CEPT1: variants seen among roughly 807,000 people sequenced by gnomAD.
CEPT1 encodes choline/ethanolamine phosphotransferase 1, also known as choline/ethanolaminephosphotransferase 1.
In CEPT1, 7 loss-of-function variants were observed where a neutral mutation model predicts 42.6. The observed-to-expected ratio is 0.16, with a 90% CI of 0.09 to 0.31. CEPT1 has a LOEUF of 0.31. CEPT1 is among the 10% of genes least tolerant of loss of function. The pLI is 1.00. For missense variants in CEPT1, 306 were observed against 502.1 expected (o/e 0.61, Z 3.73); for synonymous variants, 171 against 171.9 (o/e 0.99, Z 0.04).
intron 2 of CEPT1, among the ~76,000 whole-genome samples, chr1:111,153,792 G>T (rs963007504): frequency 6.6e-6 from 1 of 151,874 alleles, no homozygotes; most frequent in African/African-American, 2.4e-5. Context: ...TTTATTTCTG[G>T]GTTCTCATTT....
At chr1:111,147,078 AT>A (rs1655009339) in intron 1 of CEPT1, among the ~76,000 whole-genome samples, 1 of 152,110 alleles carries the variant, frequency 6.6e-6, no homozygotes, top group African/African-American at 2.4e-5. Flanking sequence ...GCCTTAGTTT[AT>A]TTTTCTGTAA....
intron 2 of CEPT1, among the ~76,000 whole-genome samples, chr1:111,148,427 T>A (rs947659005): frequency 2.0e-5 from 3 of 152,072 alleles, no homozygotes; most frequent in African/African-American, 7.2e-5. Context: ...ATGGCATGAC[T>A]GTAAACTAGC....
intron 5 of CEPT1, chr1:111,181,354 AAGAAG>A (rs1656976329): frequency 6.6e-6 from 1 of 150,992 alleles, no homozygotes; most frequent in Admixed American, 6.7e-5. Flanking sequence ...GGGTGCGAAA[AAGAAG>A]AGACTCTTAA....
intron 2 of CEPT1, among the ~76,000 whole-genome samples, chr1:111,148,292 A>G (rs1655083083): frequency 6.6e-6 from 1 of 152,178 alleles, no homozygotes; most frequent in African/African-American, 2.4e-5. Flanking sequence ...ATTAACATGT[A>G]AAATGTTCCT....
Position 111,184,637 on chromosome 1 carries a change from C to CTGTT in CEPT1, c.*330_*333dup, listed in dbSNP as rs1189556088. On this transcript the variant is annotated 3_prime_UTR_variant, in exon 9 of 9. Coordinates refer to ENST00000357172, the MANE Select transcript of CEPT1 (RefSeq NM_006090.5). ...CAGTGGTGGAGAGTTCTAATGTTGACTGTTTGCAGGCCAAAAGATGATTGC... is the reference window on the plus strand; with the variant it reads ...CAGTGGTGGAGAGTTCTAATGTTGACTGTTTGTTTGCAGGCCAAAAGATGATTGC... 1 of 170,218 alleles carries CTGTT rather than the reference C, an allele frequency of 5.9e-6. No individual in the cohort carries two copies. The highest frequency in any genetic ancestry group is 6.2e-5 in the Admixed American group (1 of 16,048). 10.5% of individuals were successfully genotyped at this position (170,218 alleles called of 1,614,324 possible).
At position 111,184,974 on chromosome 1, in the gene CEPT1, T is replaced by C. The variant is rs988731060; in HGVS notation, c.*664T>C. 1.3e-5 allele frequency: 2 copies of C among 152,076 alleles called. No individual in the cohort carries two copies. Among genetic ancestry groups the C allele is most frequent in the Non-Finnish European group, 1.5e-5 (1 of 67,946 alleles). 9.4% of individuals were successfully genotyped at this position (152,076 alleles called of 1,614,324 possible). A position where few individuals can be genotyped will look rare whatever the true frequency, so the allele number is the denominator to read the frequency against. ...CCCATTTTATTTTTTTAAATAAATA[T>C]ATGATCTAAAAGCCAACTTTTTCTC... is the stretch of plus-strand genomic sequence containing the variant. On this transcript the variant is annotated 3_prime_UTR_variant, in exon 9 of 9. Transcript: ENST00000357172.
chr1:111,169,596 T>C (rs2101354371), intron 4 of CEPT1, among the ~76,000 whole-genome samples: 1 of 152,338 alleles, frequency 6.6e-6, no homozygotes, highest in South Asian at 2.1e-4. Flanking sequence ...ATATACTGTA[T>C]TTTCTTTTAC....
chr1:111,168,120 C>T (rs530318022), intron 4 of CEPT1, among the ~76,000 whole-genome samples: 1 of 152,070 alleles, frequency 6.6e-6, no homozygotes, highest in Non-Finnish European at 1.5e-5. Context: ...GTAGTCCTCC[C>T]GCCTCAGCCT....
At chr1:111,168,132 C>T (rs1251691743) in intron 4 of CEPT1, among the ~76,000 whole-genome samples, 2 of 152,088 alleles carry the variant, frequency 1.3e-5, no homozygotes, top group Admixed American at 6.6e-5. Context: ...CCTCAGCCTT[C>T]CAAAGCACTG....
chr1:111,163,469 AT>A (rs1422967149), intron 4 of CEPT1, among the ~76,000 whole-genome samples: 2 of 152,112 alleles, frequency 1.3e-5, no homozygotes, highest in Non-Finnish European at 2.9e-5. Flanking sequence ...CTACAAAAAA[AT>A]TTTTTAAAAA....
At chr1:111,147,008 T>C (rs1018029017) in intron 1 of CEPT1, among the ~76,000 whole-genome samples, 2 of 152,210 alleles carry the variant, frequency 1.3e-5, no homozygotes, top group African/African-American at 4.8e-5. Flanking sequence ...AGAAAACCTG[T>C]GTTTGTTTGA....
chr1:111,141,789 C>T (rs13374185), intron 1 of CEPT1, among the ~76,000 whole-genome samples: 3,534 of 152,180 alleles, frequency 0.023, 143 homozygotes, highest in African/African-American at 0.08. Context: ...GAACTTAATC[C>T]TGTGATCCTA....
chr1:111,184,160 C>A, intron 8 of CEPT1, 31 bp from the exon 9 acceptor site: 2 of 1,610,260 alleles, frequency 1.2e-6, no homozygotes, highest in Non-Finnish European at 1.7e-6. Context: ...AGAGCCTAAA[C>A]GGGTGCTGAG....
intron 5 of CEPT1, among the ~76,000 whole-genome samples, chr1:111,176,516 A>G (rs560103970): frequency 1.3e-3 from 195 of 152,224 alleles, no homozygotes; most frequent in African/African-American, 4.6e-3. Flanking sequence ...ACCAATATCC[A>G]AAAAGTGGGA....
Position 111,147,777 on chromosome 1 carries a change from C to T in CEPT1, c.63C>T (p.Gly21=). 6.2e-7 allele frequency: 1 copy of T among 1,614,036 alleles called. No individual in the cohort carries two copies. The highest frequency in any genetic ancestry group is 1.6e-4 in the Middle Eastern group (1 of 6,062). The change falls in exon 2 of 9, where the codon GGC becomes GGT. Residue 21 remains glycine, a synonymous_variant. Transcript: ENST00000357172. ...ATTCTCACCCGGAGTCCCCAGTGGGCTTCGGGCATATGAGTACTACAGGAT... is the reference window on the plus strand; with the variant it reads ...ATTCTCACCCGGAGTCCCCAGTGGGTTTCGGGCATATGAGTACTACAGGAT... The part of the protein sequence containing the change: ...CGDSHPESPV[G]FGHMSTTGCV...
At chr1:111,143,063 T>C (rs1021032787) in intron 1 of CEPT1, among the ~76,000 whole-genome samples, 3 of 152,250 alleles carry the variant, frequency 2.0e-5, no homozygotes, top group Admixed American at 6.5e-5. Flanking sequence ...ACAAATAATT[T>C]TGGCTGTGTT....
chr1:111,167,846 A>T, intron 4 of CEPT1: 1 of 738,094 alleles, frequency 1.4e-6, no homozygotes, highest in Non-Finnish European at 1.6e-6. Context: ...CTTTTCAGTA[A>T]ATACATATTT....
At position 111,174,933 on chromosome 1, in the gene CEPT1, G is replaced by A. The variant is rs768411437; in HGVS notation, c.684G>A (p.Val228=). Residue 228 remains valine (V), a synonymous_variant, in exon 5 of 9, where the codon GTG becomes GTA. Coordinates refer to ENST00000357172, the MANE Select transcript of CEPT1 (RefSeq NM_006090.5). ...TAATAATCATGCATTTGCTGGCAGT[G>A]ATTGGAGGACCACCTTTTTGGCAAT... ...IFIIIMHLLA[V]IGGPPFWQSM... is the part of the protein sequence containing the mutation. 11 of 1,612,488 alleles carry A rather than the reference G, an allele frequency of 6.8e-6. No individual in the cohort carries two copies. The Admixed American group carries it at 1.3e-4, about 20-fold the overall frequency.
rs775722606 is a variant in CEPT1 at position 111,149,266 on chromosome 1, C to CTTTTTTTTTTTTTTTTTTTTTT, written c.339+1227_339+1228insTTTTTTTTTTTTTTTTTTTTTT. Among the ~76,000 whole-genome samples, 141 of 127,886 alleles carry CTTTTTTTTTTTTTTTTTTTTTT rather than the reference C, an allele frequency of 1.1e-3. 2 individuals are homozygous for CTTTTTTTTTTTTTTTTTTTTTT. Among genetic ancestry groups the CTTTTTTTTTTTTTTTTTTTTTT allele is most frequent in the Non-Finnish European group, 1.9e-3 (117 of 62,360 alleles). 83.9% of individuals were successfully genotyped at this position (127,886 alleles called of 152,430 possible). A position where few individuals can be genotyped will look rare whatever the true frequency, so the allele number is the denominator to read the frequency against. ...ATAGATGTAAAATCTGGTTTCTCCT[C>CTTTTTTTTTTTTTTTTTTTTTT]TTTTTTTTTTTTTTGAGACAGGGTC... On this transcript the variant is annotated intron_variant, in intron 2 of 8. Transcript: ENST00000357172.
Sources: gnomAD v4.1 joint callset for allele counts (sites outside exome capture counted in the v4.1 genomes callset) on GRCh38, gnomAD v4.1.1 for gene constraint, MANE v1.5 for transcripts, NCBI Gene and HGNC (gene_info 2026-07-23, HGNC 2026-07-21) for gene names.